The following LRP1 variants were observed in gnomAD, a reference collection of about 807,000 sequenced individuals.
The protein encoded by LRP1 is LDL receptor related protein 1.
LRP1 carries 51 observed loss-of-function variants against 541.5 expected under a neutral mutation model. The observed-to-expected ratio is 0.09, with a 90% CI of 0.08 to 0.12. The LOEUF is 0.12. LRP1 is among the 10% of genes least tolerant of loss of function. The pLI is 1.00. For synonymous variants in LRP1, 2,219 were observed against 2,470.8 expected (o/e 0.90, Z 3.02); for missense variants, 3,878 against 6,376.2 (o/e 0.61, Z 13.34).
In LRP1 at chr12:57,185,520, C is replaced by G. The variant is rs2036251591; in HGVS notation, c.6464-11C>G. 1 of 1,575,768 alleles carries G rather than the reference C, an allele frequency of 6.3e-7. No individual in the cohort carries two copies. The highest frequency in any genetic ancestry group is 1.3e-5 in the African/African-American group (1 of 74,316). ...GGCAGGCCCTGCCCTCTGTACCCTC[C>G]CCTCCCCCAGGCACCAACGTGTGCG... On this transcript the variant is annotated splice_polypyrimidine_tract_variant and intron_variant, in intron 40 of 88. Coordinates refer to ENST00000243077, the MANE Select transcript of LRP1 (RefSeq NM_002332.3). This position sits in a 1 kb window ranked among gnomAD's most constrained non-coding sequence, Gnocchi z 4.9.
At chr12:57,135,256 A>G (rs1211168573) in intron 1 of LRP1, among the ~76,000 whole-genome samples, 1 of 152,172 alleles carries the variant, frequency 6.6e-6, no homozygotes, top group Admixed American at 6.5e-5. Context: ...GCGGGCCAGG[A>G]GGCGGGGAAG....
chr12:57,203,353 C>T (rs763405591), intron 69 of LRP1, 36 bp from the exon 70 acceptor site: 40 of 1,591,556 alleles, frequency 2.5e-5, no homozygotes, highest in South Asian at 1.0e-4. Context: ...TGGGGAGTGC[C>T]GAGAGGTGAC....
Position 57,197,738 on chromosome 12 carries a change from G to T in LRP1, c.9282+74G>T, listed in dbSNP as rs34112788. 5 of 1,567,630 alleles carry T rather than the reference G, an allele frequency of 3.2e-6. No individual in the cohort carries two copies. The highest frequency in any genetic ancestry group is 4.3e-6 in the Non-Finnish European group (5 of 1,157,668). On this transcript the variant is annotated intron_variant, in intron 58 of 88. Transcript: ENST00000243077. The surrounding 1 kb of genome is among the most constrained non-coding windows in gnomAD (Gnocchi z 4.5). The stretch of plus-strand genomic sequence containing the variant: ...TGTTTTCAGATCGTCTCTCCTTCCC[G>T]CCCCACCAACCCAAATTGCTTCCTT...
chr12:57,191,154 C>A, intron 43 of LRP1, 145 bp downstream of exon 43: 1 of 1,111,892 alleles, frequency 9.0e-7, no homozygotes, highest in South Asian at 1.5e-5. Flanking sequence ...CTCGGTCAAC[C>A]CCACCCTGTC....
In LRP1 at chr12:57,173,875, C is replaced by T. The variant is rs2035992200; in HGVS notation, c.3442C>T (p.Pro1148Ser). ...ENCESLACRP[P>S]SHPCANNTSV... ...CTGCGAGTCCCTGGCCTGCAGGCCA[C>T]CCTCGCACCCTTGTGCCAACAACAC... is the stretch of plus-strand genomic sequence containing the variant. The change falls in exon 22 of 89, where the codon CCC becomes TCC. Residue 1148 changes from proline to serine, a missense_variant. Pro to Ser is a moderately conservative substitution (Grantham distance 74). Transcript: ENST00000243077. This position sits in a 1 kb window ranked among gnomAD's most constrained non-coding sequence, Gnocchi z 4.7. 6.2e-7 allele frequency: 1 copy of T among 1,614,070 alleles called. No individual in the cohort carries two copies. Among genetic ancestry groups the T allele is most frequent in the Admixed American group, 1.7e-5 (1 of 60,014 alleles).
At position 57,171,091 on chromosome 12, in the gene LRP1, G is replaced by A. The variant is rs147132293; in HGVS notation, c.3163+1784G>A. ...AGGGGCACAGGTGATATCCCTTAGG[G>A]TTCTGAGAAGGGGCCTCTGGAGGCT... On this transcript the variant is annotated intron_variant, in intron 20 of 88. Coordinates refer to ENST00000243077, the MANE Select transcript of LRP1 (RefSeq NM_002332.3). 1.9e-4 allele frequency among the ~76,000 whole-genome samples: 29 copies of A among 152,288 alleles called. No individual in the cohort carries two copies. The East Asian group carries it at 4.8e-3, about 25-fold the overall frequency.
Position 57,180,417 on chromosome 12 carries a change from G to A in LRP1, c.5324G>A (p.Gly1775Glu). ...TINRCNLDGS[G>E]LEVIDAMRSQ... ...AACCGCTGCAACCTGGATGGGAGTG[G>A]GCTGGAGGTCATCGATGCCATGCGG... Residue 1775 changes from glycine to glutamate, a missense_variant, in exon 32 of 89, where the codon GGG (glycine) becomes GAG (glutamate). By Grantham distance (98) the Gly-to-Glu change is moderately conservative (BLOSUM62 -2). Around this residue, in one of 13 missense-constraint regions of LRP1, gnomAD observed 394 missense variants for 635.9 expected, o/e 0.62. Coordinates refer to ENST00000243077, the MANE Select transcript of LRP1 (RefSeq NM_002332.3). 1 of 1,614,172 alleles carries A rather than the reference G, an allele frequency of 6.2e-7. No homozygotes were observed. Among genetic ancestry groups the A allele is most frequent in the Non-Finnish European group, 8.5e-7 (1 of 1,180,040 alleles).
chr12:57,138,390 A>G, intron 1 of LRP1, 69 bp from the exon 2 acceptor site: 1 of 1,571,192 alleles, frequency 6.4e-7, no homozygotes, highest in Non-Finnish European at 8.7e-7. Flanking sequence ...GAGCAGTACT[A>G]GGGGACTTTG....
chr12:57,175,596 C>A lies in LRP1; in HGVS notation c.3684C>A (p.Ala1228=). The A allele has an allele frequency of 6.2e-7, 1 of 1,613,806 alleles. No homozygotes were observed. Among genetic ancestry groups the A allele is most frequent in the Non-Finnish European group, 8.5e-7 (1 of 1,179,742 alleles). Residue 1228 remains alanine (A), a synonymous_variant, in exon 23 of 89, where the codon GCC becomes GCA. Coordinates refer to ENST00000243077, the MANE Select transcript of LRP1 (RefSeq NM_002332.3). The part of the protein sequence containing the change: ...NHTCQIQSYC[A]KHLKCSQKCD... The stretch of plus-strand genomic sequence containing the variant: ...CCTGCCAGATCCAGAGCTACTGTGC[C>A]AAGCATCTCAAATGCAGCCAAAAGT...
At position 57,212,538 on chromosome 12, in the gene LRP1, G is replaced by T. The variant is rs1220919557; in HGVS notation, c.13618G>T (p.Gly4540Trp). The T allele has an allele frequency of 1.9e-6, 3 of 1,611,100 alleles. No homozygotes were observed. The highest frequency in any genetic ancestry group is 1.7e-5 in the Admixed American group (1 of 59,746). The change falls in exon 89 of 89, where the codon GGG becomes TGG. Residue 4540 changes from glycine (G) to tryptophan (W), a missense_variant. This residue lies in a region of LRP1 where 871 missense variants were observed against 1,212.4 expected (regional missense o/e 0.72). Coordinates refer to ENST00000243077, the MANE Select transcript of LRP1 (RefSeq NM_002332.3). The surrounding 1 kb of genome is among the most constrained non-coding windows in gnomAD (Gnocchi z 5.0). ...LLGRGPEDEI[G>W]DPLA ...GGGCCGGGGCCCTGAGGACGAGATA[G>T]GGGACCCCTTGGCATAGGGCCCTGC...
rs765314891 is a variant in LRP1, at chr12:57,183,925, G to A, written c.5929+16G>A. 1.5e-5 allele frequency: 24 copies of A among 1,613,932 alleles called. No homozygotes were observed. Among genetic ancestry groups the A allele is most frequent in the Middle Eastern group, 3.3e-4 (2 of 6,084 alleles). On this transcript the variant is annotated intron_variant, in intron 36 of 88. Coordinates refer to ENST00000243077, the MANE Select transcript of LRP1 (RefSeq NM_002332.3). This position sits in a 1 kb window ranked among gnomAD's most constrained non-coding sequence, Gnocchi z 6.1. ...TGGATCGCAGGTGAGCAGTGGGCAG[G>A]TTTGTGGGGCTTGGGGTGTGGCAGA...
Position 57,145,444 on chromosome 12 carries a change from G to C in LRP1, c.795G>C (p.Lys265Asn). 6.2e-7 allele frequency: 1 copy of C among 1,614,108 alleles called. No homozygotes were observed. ...AGTGTGCCCGCATGCCTGGCCTAAA[G>C]GGCTTCGTGGATGAGCACACCATCA... is the stretch of plus-strand genomic sequence containing the variant. ...QLKCARMPGL[K>N]GFVDEHTINI... Residue 265 changes from lysine (K) to asparagine (N), a missense_variant, in exon 6 of 89, where the codon AAG (lysine) becomes AAC (asparagine). Transcript: ENST00000243077.
chr12:57,193,446 T>C, intron 46 of LRP1, 120 bp from the exon 47 acceptor site: 2 of 1,509,994 alleles, frequency 1.3e-6, no homozygotes, highest in Non-Finnish European at 1.8e-6. Flanking sequence ...AGAACCACTG[T>C]TAGCCTGGAC....
rs545769823 is a variant in LRP1 at position 57,206,399 on chromosome 12, T to A, written c.11591-74T>A. 1.4e-6 allele frequency: 2 copies of A among 1,459,506 alleles called. No homozygotes were observed. Among genetic ancestry groups the A allele is most frequent in the Admixed American group, 3.4e-5 (2 of 58,552 alleles). 90.4% of individuals were successfully genotyped at this position (1,459,506 alleles called of 1,614,324 possible). On this transcript the variant is annotated intron_variant, in intron 75 of 88. Transcript: ENST00000243077. This position sits in a 1 kb window ranked among gnomAD's most constrained non-coding sequence, Gnocchi z 4.7. ...CTACCAGGAGATGGGACAGTGTTCA[T>A]GTGAAAGGAGCTGAGCTGGGTGGGG...
intron 1 of LRP1, among the ~76,000 whole-genome samples, chr12:57,134,531 G>A (rs573908646): frequency 1.3e-4 from 20 of 152,032 alleles, no homozygotes; most frequent in African/African-American, 3.1e-4. Flanking sequence ...TGCTCACTGC[G>A]ACCTCCGCCT....
chr12:57,145,641 G>A (rs2035390430), intron 6 of LRP1, 151 bp downstream of exon 6: 1 of 1,047,288 alleles, frequency 9.5e-7, no homozygotes, highest in African/African-American at 1.6e-5. Context: ...GTGTGTTTGA[G>A]GCAGGGGCAG....
chr12:57,181,403 T>C, intron 34 of LRP1, 112 bp downstream of exon 34: 1 of 1,334,698 alleles, frequency 7.5e-7, no homozygotes, highest in East Asian at 2.4e-5. Flanking sequence ...ACATTCGTCG[T>C]GTAGGGGACA....
Position 57,158,376 on chromosome 12 carries a change from T to G in LRP1, c.1562-26T>G, listed in dbSNP as rs745822780. 6 of 1,567,978 alleles carry G rather than the reference T, an allele frequency of 3.8e-6. No homozygotes were observed. Among genetic ancestry groups the G allele is most frequent in the Non-Finnish European group, 4.4e-6 (5 of 1,148,310 alleles). The stretch of plus-strand genomic sequence containing the variant: ...GATGATGGTCATGTGTGTGTCTGAC[T>G]GTACCCTGGCTTGTGCCTGCTCTAG... On this transcript the variant is annotated intron_variant, in intron 10 of 88. Coordinates refer to ENST00000243077, the MANE Select transcript of LRP1 (RefSeq NM_002332.3). This position sits in a 1 kb window ranked among gnomAD's most constrained non-coding sequence, Gnocchi z 5.3.
intron 81 of LRP1, 63 bp downstream of exon 81, chr12:57,210,232 A>C: frequency 6.5e-7 from 1 of 1,548,406 alleles, no homozygotes; most frequent in East Asian, 2.3e-5. Flanking sequence ...GTGGCTCCTG[A>C]CTTCCCCTGA....
Sources: gnomAD v4.1 joint callset for allele counts (sites outside exome capture counted in the v4.1 genomes callset) on GRCh38, gnomAD v4.1.1 for gene constraint, gnomAD v4.1.1 regional missense constraint, Gnocchi (gnomAD v3.1) non-coding constraint, MANE v1.5 for transcripts, NCBI Gene and HGNC (gene_info 2026-07-23, HGNC 2026-07-21) for gene names.